CTNNBIP1: variants seen among roughly 807,000 people sequenced by gnomAD.
The protein encoded by CTNNBIP1 is catenin beta interacting protein 1.
A neutral mutation model predicts 11.8 loss-of-function variants in CTNNBIP1; 7 were observed. That is an observed-to-expected ratio of 0.60 (90% CI 0.34 to 1.12). The LOEUF is 1.12. CTNNBIP1 is among the 50% of genes most tolerant of loss of function. The pLI, the probability that CTNNBIP1 is intolerant of heterozygous loss-of-function variation, is 0.03. For missense variants in CTNNBIP1, 101 were observed against 113.4 expected (o/e 0.89, Z 0.50); for synonymous variants, 58 against 43.9 (o/e 1.32, Z -1.26).
At chr1:9,863,379 G>T (rs959538745) in intron 5 of CTNNBIP1, among the ~76,000 whole-genome samples, 2 of 152,110 alleles carry the variant, frequency 1.3e-5, no homozygotes, top group African/African-American at 4.8e-5. Context: ...ATTCTCCCTG[G>T]GCCTGACTAT....
At chr1:9,857,551 T>A (rs1638533766) in intron 5 of CTNNBIP1, among the ~76,000 whole-genome samples, 1 of 150,832 alleles carries the variant, frequency 6.6e-6, no homozygotes, top group Non-Finnish European at 1.5e-5. Flanking sequence ...GCACTTTGTC[T>A]GCACTTTGGG....
At chr1:9,861,058 G>A (rs1305639697) in intron 5 of CTNNBIP1, among the ~76,000 whole-genome samples, 1 of 152,192 alleles carries the variant, frequency 6.6e-6, no homozygotes, top group African/African-American at 2.4e-5. Context: ...GGCTGGAGAG[G>A]GAATGCGACC....
chr1:9,891,781 A>ATTTTTTTTTTTTT (rs70998316), intron 1 of CTNNBIP1, among the ~76,000 whole-genome samples: 1 of 81,410 alleles, frequency 1.2e-5, no homozygotes, highest in Non-Finnish European at 2.2e-5. Context: ...ATCTCTTTAA[A>ATTTTTTTTTTTTT]TTTTTTTTTT....
intron 1 of CTNNBIP1, among the ~76,000 whole-genome samples, chr1:9,902,154 A>ATG (rs1295510291): frequency 6.6e-6 from 1 of 152,162 alleles, no homozygotes; most frequent in African/African-American, 2.4e-5. Flanking sequence ...ATAGGTGTCC[A>ATG]TGTGCATCAG....
rs1557752454 is a variant in CTNNBIP1 at position 9,871,303 on chromosome 1, G to A, written c.97-26C>T. 5 of 1,518,946 alleles carry A rather than the reference G, an allele frequency of 3.3e-6. No individual in the cohort carries two copies. The South Asian group carries it at 4.8e-5, about 15-fold the overall frequency. The allele number at this position is 1,518,946 out of a possible 1,614,324, so 94.1% of individuals were successfully genotyped here. On this transcript the variant is annotated intron_variant, in intron 4 of 5. Coordinates refer to ENST00000377263, the MANE Select transcript of CTNNBIP1 (RefSeq NM_020248.3). The surrounding 1 kb of genome is among the most constrained non-coding windows in gnomAD (Gnocchi z 5.2). ...CTGCAGGGTGAGAGAGCTGTGGTGA[G>A]GGGCAGCATGCACCTGTTCCCTGAA...
intron 1 of CTNNBIP1, among the ~76,000 whole-genome samples, chr1:9,885,751 C>A (rs1466645848): frequency 2.0e-5 from 3 of 151,946 alleles, no homozygotes; most frequent in Admixed American, 6.6e-5. Context: ...CAAGACCAGC[C>A]TGACCAACAT....
rs1036841174 is a variant in CTNNBIP1, at chr1:9,883,216, G to A, written c.-110+489C>T. On this transcript the variant is annotated intron_variant, in intron 2 of 5. Coordinates refer to ENST00000377263, the MANE Select transcript of CTNNBIP1 (RefSeq NM_020248.3). The surrounding 1 kb of genome is among the most constrained non-coding windows in gnomAD (Gnocchi z 5.6). ...TTGGGCCCTGGTCAGGAGATGACTC[G>A]GGCAGAGTGGTCTCCCAGGAAGACC... Among the ~76,000 whole-genome samples, 6 of 152,150 alleles carry A rather than the reference G, an allele frequency of 3.9e-5. No individual in the cohort carries two copies. Among genetic ancestry groups the A allele is most frequent in the Non-Finnish European group, 7.4e-5 (5 of 67,998 alleles).
chr1:9,890,350 T>G (rs986250692), intron 1 of CTNNBIP1, among the ~76,000 whole-genome samples: 18 of 152,188 alleles, frequency 1.2e-4, no homozygotes, highest in African/African-American at 4.3e-4. Context: ...GGGGACGTGC[T>G]GGTGGAGGTT....
intron 1 of CTNNBIP1, among the ~76,000 whole-genome samples, chr1:9,887,757 G>A (rs920927544): frequency 6.6e-6 from 1 of 152,012 alleles, no homozygotes; most frequent in Non-Finnish European, 1.5e-5. Flanking sequence ...AAAACGGCTA[G>A]AGTCCAACCC....
intron 1 of CTNNBIP1, among the ~76,000 whole-genome samples, chr1:9,900,911 C>T (rs1639508911): frequency 6.6e-6 from 1 of 152,162 alleles, no homozygotes; most frequent in Non-Finnish European, 1.5e-5. Flanking sequence ...GTCCAGAAGC[C>T]GAGTGTGAGC....
intron 5 of CTNNBIP1, 23 bp from the exon 6 acceptor site, chr1:9,850,799 C>G: frequency 6.2e-7 from 1 of 1,612,334 alleles, no homozygotes; most frequent in Non-Finnish European, 8.5e-7. Context: ...CGACAAGGAT[C>G]GCTGATGGGG....
At chr1:9,866,095 A>T (rs1557749540) in intron 5 of CTNNBIP1, among the ~76,000 whole-genome samples, 1 of 152,238 alleles carries the variant, frequency 6.6e-6, no homozygotes, top group African/African-American at 2.4e-5. Flanking sequence ...ATAAGATGGA[A>T]GCCACAGTTC....
rs1638318655 is a variant in CTNNBIP1 at position 9,848,933 on chromosome 1, C to T, written c.*1785G>A. ...GGCTCGGTCATTTGGCTCCTGTGCA[C>T]TTCATGACACTCAGGAGCCCCTACG... On this transcript the variant is annotated 3_prime_UTR_variant, in exon 6 of 6. Coordinates refer to ENST00000377263, the MANE Select transcript of CTNNBIP1 (RefSeq NM_020248.3). The surrounding 1 kb of genome is among the most constrained non-coding windows in gnomAD (Gnocchi z 4.3). 2 of 152,358 alleles carry T rather than the reference C, an allele frequency of 1.3e-5. No homozygotes were observed. The highest frequency in any genetic ancestry group is 4.1e-4 in the South Asian group (2 of 4,830). The allele number at this position is 152,358 out of a possible 1,614,324, so 9.4% of individuals were successfully genotyped here.
At chr1:9,894,786 G>A (rs1035405983) in intron 1 of CTNNBIP1, among the ~76,000 whole-genome samples, 2 of 152,136 alleles carry the variant, frequency 1.3e-5, no homozygotes, top group Non-Finnish European at 2.9e-5. Context: ...TGTCACCCAA[G>A]CTGGAGTGCA....
chr1:9,909,603 G>C (rs966650407), intron 1 of CTNNBIP1, among the ~76,000 whole-genome samples: 2 of 152,158 alleles, frequency 1.3e-5, no homozygotes, highest in Non-Finnish European at 2.9e-5. Flanking sequence ...CGCCATCCAG[G>C]TGAGATATGT....
rs1016098397 is a variant in CTNNBIP1, at chr1:9,851,623, G to A, written c.188-847C>T. Among the ~76,000 whole-genome samples, 1 of 152,058 alleles carries A rather than the reference G, an allele frequency of 6.6e-6. No individual in the cohort carries two copies. Among genetic ancestry groups the A allele is most frequent in the Non-Finnish European group, 1.5e-5 (1 of 68,006 alleles). ...CCTGACCTCATGATCCACCCACCTCGGCCTCCCAAAGTGCTGGGATTATAG... is the reference window on the plus strand; with the variant it reads ...CCTGACCTCATGATCCACCCACCTCAGCCTCCCAAAGTGCTGGGATTATAG... On this transcript the variant is annotated intron_variant, in intron 5 of 5. Transcript: ENST00000377263. This position sits in a 1 kb window ranked among gnomAD's most constrained non-coding sequence, Gnocchi z 4.8.
At chr1:9,865,171 G>C (rs993248852) in intron 5 of CTNNBIP1, among the ~76,000 whole-genome samples, 2 of 151,510 alleles carry the variant, frequency 1.3e-5, no homozygotes, top group African/African-American at 4.9e-5. Flanking sequence ...GGAGGTTGCA[G>C]TGAGCCAAGA....
At chr1:9,909,634 A>T (rs1639691318) in intron 1 of CTNNBIP1, among the ~76,000 whole-genome samples, 1 of 152,166 alleles carries the variant, frequency 6.6e-6, no homozygotes, top group African/African-American at 2.4e-5. Flanking sequence ...GGTACCTTCC[A>T]GGAAGGCTCA....
intron 1 of CTNNBIP1, among the ~76,000 whole-genome samples, chr1:9,894,381 T>A (rs371822338): frequency 1.3e-5 from 2 of 152,308 alleles, no homozygotes; most frequent in South Asian, 2.1e-4. Context: ...TTTGAAACAG[T>A]GTCTCGCTCT....
Sources: gnomAD v4.1 joint callset for allele counts (sites outside exome capture counted in the v4.1 genomes callset) on GRCh38, gnomAD v4.1.1 for gene constraint, Gnocchi (gnomAD v3.1) non-coding constraint, MANE v1.5 for transcripts, NCBI Gene and HGNC (gene_info 2026-07-23, HGNC 2026-07-21) for gene names.